GREB1: variants seen among roughly 807,000 people sequenced by gnomAD.
GREB1 encodes protein GREB1.
A neutral mutation model predicts 200.7 loss-of-function variants in GREB1; 106 were observed. The ratio of observed to expected loss-of-function variants is 0.53; its 90% CI spans 0.45 to 0.62. The LOEUF (loss-of-function observed/expected upper bound fraction) is 0.62, where lower values mean the gene tolerates loss of function less well. GREB1 is among the 20% of genes least tolerant of loss of function. GREB1 has a pLI of 0.00. For synonymous variants in GREB1, 1,132 were observed against 1,092.4 expected, an observed-to-expected ratio of 1.04 and a Z score of -0.72; for missense variants, 2,243 against 2,556.8, an observed-to-expected ratio of 0.88 and a Z score of 2.65.
At chr2:11,637,295 G>A (rs1002538999) in intron 30 of GREB1, among the ~76,000 whole-genome samples, 6 of 152,074 alleles carry the variant, frequency 3.9e-5, no homozygotes, top group Non-Finnish European at 7.4e-5. Flanking sequence ...TAAACGTGTT[G>A]GTGATGGAGC....
chr2:11,504,638 T>C (rs1296111982), intron 1 of GREB1, among the ~76,000 whole-genome samples: 37 of 152,244 alleles, frequency 2.4e-4, no homozygotes, highest in Admixed American at 2.4e-3. Flanking sequence ...TTCTTTCACC[T>C]AGTGTAATGT....
intron 6 of GREB1, among the ~76,000 whole-genome samples, chr2:11,578,868 C>T (rs938030708): frequency 8.5e-5 from 13 of 152,188 alleles, no homozygotes; most frequent in Admixed American, 5.9e-4. Context: ...TGTGAGCAGG[C>T]GTCAGTTTCC....
In GREB1 at chr2:11,640,223, C is replaced by T. The variant is rs539986140; in HGVS notation, c.5687-68C>T. ...CTGTCTTGTCATTGCAAGTAGAATC[C>T]GGGCAGCCGCTTTCCTCTGGATAAA... On this transcript the variant is annotated intron_variant, in intron 32 of 32. Coordinates refer to ENST00000381486, the MANE Select transcript of GREB1 (RefSeq NM_014668.4). The surrounding 1 kb of genome is among the most constrained non-coding windows in gnomAD (Gnocchi z 4.6). 34 of 1,485,136 alleles carry T rather than the reference C, an allele frequency of 2.3e-5. No individual in the cohort carries two copies. In the East Asian group the frequency reaches 6.9e-4, roughly 30 times the overall value. The allele number at this position is 1,485,136 out of a possible 1,614,324, so 92.0% of individuals were successfully genotyped here. A position where few individuals can be genotyped will look rare whatever the true frequency, so the allele number is the denominator to read the frequency against.
chr2:11,586,628 C>G (rs1455657144), intron 9 of GREB1, among the ~76,000 whole-genome samples: 1 of 152,288 alleles, frequency 6.6e-6, no homozygotes. Flanking sequence ...ACACCGTGCA[C>G]GCAGGCCCCT....
intron 24 of GREB1, 49 bp from the exon 25 acceptor site, chr2:11,626,913 T>C (rs374062093): frequency 1.2e-6 from 2 of 1,603,452 alleles, no homozygotes; most frequent in East Asian, 2.2e-5. Flanking sequence ...CAGGGGATAA[T>C]GTTTGCTTTG....
chr2:11,596,161 C>T lies in GREB1; in HGVS notation c.1876C>T (p.His626Tyr). 1 of 1,613,606 alleles carries T rather than the reference C, an allele frequency of 6.2e-7. No individual in the cohort carries two copies. Among genetic ancestry groups the T allele is most frequent in the Non-Finnish European group, 8.5e-7 (1 of 1,179,524 alleles). The change falls in exon 13 of 33, where the codon CAT (histidine) becomes TAT (tyrosine). Residue 626 changes from histidine to tyrosine, a missense_variant. By Grantham distance (83) the His-to-Tyr change is moderately conservative. This residue lies in a region of GREB1 where 1,178 missense variants were observed against 1,387.4 expected (regional missense o/e 0.85). Transcript: ENST00000381486. ...CAAATTTCACCAGGAAAATCAAGGC[C>T]ATATTTCTTCCTCACTCGCTGCCTC... Reference protein sequence around the residue: ...LDKFHQENQGHISSSLAASSV... With the variant: ...LDKFHQENQGYISSSLAASSV...
Position 11,640,435 on chromosome 2 carries a change from T to A in GREB1, c.5831T>A (p.Leu1944Gln). The change falls in exon 33 of 33, where the codon CTG (leucine) becomes CAG (glutamine). Residue 1944 changes from leucine (L) to glutamine (Q), a missense_variant. Physicochemically the swap from Leu to Gln is moderately radical, Grantham distance 113 (BLOSUM62 -2). Around this residue, in one of 3 missense-constraint regions of GREB1, gnomAD observed 478 missense variants for 616.3 expected, o/e 0.78. Transcript: ENST00000381486. The surrounding 1 kb of genome is among the most constrained non-coding windows in gnomAD (Gnocchi z 4.6). ...AGGGAAGACCGGCCGCTCTTTTTTCTGACGGGACGACACATCTGAGGAAGA... is the reference window on the plus strand; with the variant it reads ...AGGGAAGACCGGCCGCTCTTTTTTCAGACGGGACGACACATCTGAGGAAGA... ...NAREDRPLFF[L>Q]TGRHI 1 of 1,614,198 alleles carries A rather than the reference T, an allele frequency of 6.2e-7. No homozygotes were observed. The highest frequency in any genetic ancestry group is 8.5e-7 in the Non-Finnish European group (1 of 1,180,034).
chr2:11,524,191 G>A (rs899613611), intron 1 of GREB1, among the ~76,000 whole-genome samples: 1 of 152,180 alleles, frequency 6.6e-6, no homozygotes, highest in African/African-American at 2.4e-5. Context: ...GGTGTTAGTT[G>A]TAGAAGACAA....
Position 11,596,230 on chromosome 2 carries a change from G to T in GREB1, c.1945G>T (p.Val649Leu). The stretch of plus-strand genomic sequence containing the variant: ...ATCCCTGGATGTCAGTGGGACACCG[G>T]TGTGCACAAGTGAGTGGTGAAAAGG... Reference protein sequence around the residue: ...AASLDVSGTPVCTSYNLEPHS... With the variant: ...AASLDVSGTPLCTSYNLEPHS... The change falls in exon 13 of 33, where the codon GTG becomes TTG. Residue 649 changes from valine (V) to leucine (L), a missense_variant. Physicochemically the swap from Val to Leu is conservative, Grantham distance 32. Transcript: ENST00000381486. The T allele has an allele frequency of 6.2e-7, 1 of 1,613,436 alleles. No individual in the cohort carries two copies. Among genetic ancestry groups the T allele is most frequent in the Non-Finnish European group, 8.5e-7 (1 of 1,179,570 alleles).
At chr2:11,594,777 C>T (rs1180155199) in intron 11 of GREB1, among the ~76,000 whole-genome samples, 1 of 152,132 alleles carries the variant, frequency 6.6e-6, no homozygotes, top group Non-Finnish European at 1.5e-5. Flanking sequence ...ACTGCAAGCT[C>T]CGCCTCCTGG....
At chr2:11,590,652 C>A (rs1342231933) in intron 10 of GREB1, among the ~76,000 whole-genome samples, 1 of 152,152 alleles carries the variant, frequency 6.6e-6, no homozygotes, top group East Asian at 1.9e-4. Context: ...TCTTTAGGCA[C>A]CAGGAATTAG....
intron 1 of GREB1, among the ~76,000 whole-genome samples, chr2:11,545,381 C>T (rs1675172146): frequency 6.6e-6 from 1 of 152,142 alleles, no homozygotes; most frequent in African/African-American, 2.4e-5. Flanking sequence ...ATCCACCTGC[C>T]TCAGCCTCCC....
At chr2:11,546,943 C>CTTTTTT (rs386354826) in intron 1 of GREB1, among the ~76,000 whole-genome samples, 1 of 123,498 alleles carries the variant, frequency 8.1e-6, no homozygotes, top group African/African-American at 2.9e-5. Context: ...CTAGTTTAAA[C>CTTTTTT]TTTTTTTTTT....
chr2:11,610,912 A>G lies in GREB1; in HGVS notation c.2891A>G (p.Tyr964Cys), dbSNP rs1682861828. 2.5e-6 allele frequency: 4 copies of G among 1,612,672 alleles called. No homozygotes were observed. The highest frequency in any genetic ancestry group is 1.3e-5 in the African/African-American group (1 of 74,926). Residue 964 changes from tyrosine (Y) to cysteine (C), a missense_variant, in exon 18 of 33, where the codon TAT becomes TGT. Transcript: ENST00000381486. ...VPCSPLAVVA[Y>C]ERLAHVRARL... is the part of the protein sequence containing the mutation. ...TGTTCGCCCCTGGCGGTGGTGGCCT[A>G]TGAGCGGCTGGCCCACGTGCGGGCC... is the stretch of plus-strand genomic sequence containing the variant.
At chr2:11,637,461 T>C (rs1411996648) in intron 30 of GREB1, among the ~76,000 whole-genome samples, 1 of 152,180 alleles carries the variant, frequency 6.6e-6, no homozygotes, top group Non-Finnish European at 1.5e-5. Context: ...GAAAGCTGGT[T>C]TCCTGCATGG....
Position 11,618,732 on chromosome 2 carries a change from C to G in GREB1, c.3857C>G (p.Ser1286Cys). ...GLPKAASLLP[S>C]PSVMWASSFR... The stretch of plus-strand genomic sequence containing the variant: ...CCCAAGGCCGCCTCCCTCCTGCCCT[C>G]CCCCTCGGTCATGTGGGCCAGCTCT... Residue 1286 changes from serine (S) to cysteine (C), a missense_variant, in exon 22 of 33, where the codon TCC (serine) becomes TGC (cysteine). Physicochemically the swap from Ser to Cys is moderately radical, Grantham distance 112. Around this residue, in one of 3 missense-constraint regions of GREB1, gnomAD observed 587 missense variants for 553.1 expected, o/e 1.06. Coordinates refer to ENST00000381486, the MANE Select transcript of GREB1 (RefSeq NM_014668.4). The G allele has an allele frequency of 6.2e-7, 1 of 1,613,444 alleles. No homozygotes were observed. The highest frequency in any genetic ancestry group is 8.5e-7 in the Non-Finnish European group (1 of 1,179,750).
At chr2:11,579,891 C>T (rs1025159311) in intron 6 of GREB1, among the ~76,000 whole-genome samples, 17 of 152,182 alleles carry the variant, frequency 1.1e-4, no homozygotes, top group African/African-American at 4.1e-4. Flanking sequence ...CTCTCCTGGA[C>T]TCCAGATGTA....
intron 20 of GREB1, among the ~76,000 whole-genome samples, chr2:11,615,915 G>A (rs944691667): frequency 6.6e-6 from 1 of 152,226 alleles, no homozygotes; most frequent in Non-Finnish European, 1.5e-5. Context: ...GGGCACCAGC[G>A]CGGGTCTGTG....
Position 11,629,245 on chromosome 2 carries a change from C to A in GREB1, c.4450-703C>A, listed in dbSNP as rs529229915. On this transcript the variant is annotated intron_variant, in intron 25 of 32. Coordinates refer to ENST00000381486, the MANE Select transcript of GREB1 (RefSeq NM_014668.4). The surrounding 1 kb of genome is among the most constrained non-coding windows in gnomAD (Gnocchi z 5.2). ...AGGAAGGGCCGTGGGTCGGTGGGGTCGTAAGAGGACGTTCAAGCTGAGGGC... is the reference window on the plus strand; with the variant it reads ...AGGAAGGGCCGTGGGTCGGTGGGGTAGTAAGAGGACGTTCAAGCTGAGGGC... 6.6e-6 allele frequency among the ~76,000 whole-genome samples: 1 copy of A among 152,000 alleles called. No individual in the cohort carries two copies. Among genetic ancestry groups the A allele is most frequent in the East Asian group, 1.9e-4 (1 of 5,146 alleles).
Sources: gnomAD v4.1 joint callset for allele counts (sites outside exome capture counted in the v4.1 genomes callset) on GRCh38, gnomAD v4.1.1 for gene constraint, gnomAD v4.1.1 regional missense constraint, Gnocchi (gnomAD v3.1) non-coding constraint, MANE v1.5 for transcripts, NCBI Gene and HGNC (gene_info 2026-07-23, HGNC 2026-07-21) for gene names.